The following ZNF883 variants were observed in gnomAD, a reference collection of about 807,000 sequenced individuals.
ZNF883 encodes zinc finger protein 883.
At chr9:112,996,205 A>G (rs1194711949), downstream of ZNF883, among the ~76,000 whole-genome samples, 1 of 152,150 alleles carries the variant, frequency 6.6e-6, no homozygotes, top group Admixed American at 6.5e-5. Flanking sequence ...ACTGAAAAAA[A>G]TTAGGGAGGG....
chr9:112,996,295 T>G (rs1323171812), downstream of ZNF883, among the ~76,000 whole-genome samples: 3 of 152,192 alleles, frequency 2.0e-5, no homozygotes, highest in Non-Finnish European at 4.4e-5. Flanking sequence ...ATTACATAAA[T>G]CTTAGAAAAT....
intron 1 of ZNF883, among the ~76,000 whole-genome samples, chr9:112,992,070 A>G (rs1229673008): frequency 6.6e-6 from 1 of 152,204 alleles, no homozygotes; most frequent in African/African-American, 2.4e-5. Flanking sequence ...GGGGGCATTT[A>G]GCCCATTTAC....
downstream of ZNF883, among the ~76,000 whole-genome samples, chr9:112,996,255 T>C (rs1042416158): frequency 7.2e-5 from 11 of 152,098 alleles, no homozygotes; most frequent in South Asian, 2.1e-3. Context: ...CAATTTTCTT[T>C]GTAACCATAT....
At chr9:112,996,509 T>A (rs1828355344), downstream of ZNF883, among the ~76,000 whole-genome samples, 1 of 152,102 alleles carries the variant, frequency 6.6e-6, no homozygotes, top group Non-Finnish European at 1.5e-5. Context: ...GGTTTTTTTA[T>A]GGCCGGGCGC....
chr9:112,997,784 C>A (rs1359293500), exon 1 of ZNF883: 1 of 1,613,530 alleles, frequency 6.2e-7, no homozygotes, highest in East Asian at 2.2e-5. Context: ...GAAGGTTTTT[C>A]CACATTCAGT....
At chr9:113,011,942 T>C (rs946860351) in intron 1 of ZNF883, among the ~76,000 whole-genome samples, 3 of 152,070 alleles carry the variant, frequency 2.0e-5, no homozygotes. Context: ...CTCCTCACCC[T>C]GAAGCGGGAT....
chr9:113,011,345 C>A lies in ZNF883; in HGVS notation n.79-118G>T, dbSNP rs144676214. 2.0e-3 allele frequency: 301 copies of A among 152,306 alleles called. 1 individual carries two copies. Among genetic ancestry groups the A allele is most frequent in the Admixed American group, 4.4e-3 (67 of 15,304 alleles). The allele number at this position is 152,306 out of a possible 1,614,324, so 9.4% of individuals were successfully genotyped here. A position where few individuals can be genotyped will look rare whatever the true frequency, so the allele number is the denominator to read the frequency against. ...GTCAGAATGAATCTAGGAACAGATT[C>A]TTTCCCTGCAGAGTACAAAGTGAAA... On this transcript the variant is annotated intron_variant and non_coding_transcript_variant, in intron 1 of 4. Coordinates refer to the ZNF883 transcript ENST00000638622.
chr9:113,002,459 TTAA>T (rs879530662), upstream of ZNF883, among the ~76,000 whole-genome samples: 34 of 152,034 alleles, frequency 2.2e-4, no homozygotes, highest in African/African-American at 8.0e-4. Context: ...AATACTACAG[TTAA>T]TAATAATGTA....
downstream of ZNF883, among the ~76,000 whole-genome samples, chr9:112,992,210 T>C (rs916339143): frequency 6.6e-6 from 1 of 152,210 alleles, no homozygotes; most frequent in African/African-American, 2.4e-5. Flanking sequence ...GTTTTAGGAG[T>C]GGCTGGAAAT....
downstream of ZNF883, among the ~76,000 whole-genome samples, chr9:112,994,883 T>G (rs1239848256): frequency 6.6e-6 from 1 of 152,176 alleles, no homozygotes; most frequent in Non-Finnish European, 1.5e-5. Context: ...CTAATTGGAT[T>G]ACCTGGGATC....
At chr9:112,993,817 G>C (rs1363325237), downstream of ZNF883, among the ~76,000 whole-genome samples, 4 of 152,244 alleles carry the variant, frequency 2.6e-5, no homozygotes, top group East Asian at 7.7e-4. Flanking sequence ...GGCCTAAAGA[G>C]ACAGTCTGGT....
intron 2 of ZNF883, among the ~76,000 whole-genome samples, chr9:113,008,877 TGTG>T (rs773174584): frequency 5.3e-5 from 8 of 151,980 alleles, no homozygotes; most frequent in Non-Finnish European, 8.8e-5. Flanking sequence ...GGTTAGGGGA[TGTG>T]GTGGTGAGAG....
chr9:113,009,585 G>A (rs1888285), intron 2 of ZNF883, among the ~76,000 whole-genome samples: 103,156 of 151,422 alleles, frequency 0.68, 35,786 homozygotes, highest in East Asian at 0.89. Flanking sequence ...TCTCGGCCCA[G>A]TGCAATCTCC....
chr9:112,995,281 C>T (rs980282036), downstream of ZNF883, among the ~76,000 whole-genome samples: 17 of 152,268 alleles, frequency 1.1e-4, no homozygotes, highest in African/African-American at 2.2e-4. Flanking sequence ...CAGACTCAAA[C>T]TGGAACTTAC....
chr9:112,996,609 G>C, downstream of ZNF883, among the ~76,000 whole-genome samples: 1 of 150,118 alleles, frequency 6.7e-6, no homozygotes, highest in African/African-American at 2.5e-5. Context: ...GGCTAACACG[G>C]TGAAACCCCG....
chr9:113,005,502 G>A (rs1009192592), intron 2 of ZNF883, among the ~76,000 whole-genome samples: 1 of 152,096 alleles, frequency 6.6e-6, no homozygotes, highest in East Asian at 1.9e-4. Flanking sequence ...AAAACAGGCA[G>A]TATTCAGTAC....
chr9:112,997,485 G>C lies in ZNF883; in HGVS notation n.775C>G, dbSNP rs565304929. 2.3e-5 allele frequency: 37 copies of C among 1,614,172 alleles called. No homozygotes were observed. In the African/African-American group the frequency reaches 4.9e-4, roughly 22 times the overall value. ...CAAACATAGGGCTTCTCTCCAGTAT[G>C]AGTTCTCTGGTGTTCAGTAAGATGT... On this transcript the variant is annotated non_coding_transcript_exon_variant, in exon 1 of 1. Coordinates refer to ENST00000639662, the Ensembl canonical transcript of ZNF883.
chr9:112,989,343 C>T (rs902545697), intron 1 of ZNF883, among the ~76,000 whole-genome samples: 9 of 151,928 alleles, frequency 5.9e-5, no homozygotes, highest in Non-Finnish European at 1.0e-4. Flanking sequence ...CTGCATATGG[C>T]TAGCCAGTTC....
chr9:113,006,354 C>A (rs184699278), intron 2 of ZNF883, among the ~76,000 whole-genome samples: 16 of 152,272 alleles, frequency 1.1e-4, no homozygotes, highest in African/African-American at 3.4e-4. Flanking sequence ...AGCATATAAT[C>A]ATGAAATAGT....
Sources: gnomAD v4.1 joint callset for allele counts (sites outside exome capture counted in the v4.1 genomes callset) on GRCh38, gnomAD v4.1.1 for gene constraint, MANE v1.5 for transcripts, NCBI Gene and HGNC (gene_info 2026-07-23, HGNC 2026-07-21) for gene names.